PNPO: variants seen among roughly 807,000 people sequenced by gnomAD.
PNPO encodes pyridoxine-5'-phosphate oxidase.
Under a neutral mutation model 35.0 loss-of-function variants are expected in PNPO, and 39 were observed. The ratio of observed to expected loss-of-function variants is 1.11; its 90% CI spans 0.86 to 1.45. The LOEUF (loss-of-function observed/expected upper bound fraction) is 1.45. PNPO is among the 40% of genes most tolerant of loss of function. The pLI is 0.00. For missense variants in PNPO, 288 were observed against 340.0 expected (o/e 0.85, Z 1.20); for synonymous variants, 115 against 119.8 (o/e 0.96, Z 0.26).
intron 1 of PNPO, among the ~76,000 whole-genome samples, chr17:47,942,998 G>A (rs921647118): frequency 2.0e-5 from 3 of 152,126 alleles, no homozygotes; most frequent in African/African-American, 7.2e-5. Context: ...AAATTTTGGG[G>A]GTGGAGCCCA....
At chr17:47,944,878 A>T in intron 3 of PNPO, 163 bp downstream of exon 3, 1 of 689,216 alleles carries the variant, frequency 1.5e-6, no homozygotes. Context: ...CTTTGCCATA[A>T]ATGAATGAAT....
chr17:47,945,395 T>C lies in PNPO; in HGVS notation c.364-164T>C, dbSNP rs1223852718. Reference sequence around the variant, plus strand: ...TTGGGCACGTGACTTAGCCTGTCTCTGTGTCTGTGACAATAGGCCTACTTT... The same window carrying C: ...TTGGGCACGTGACTTAGCCTGTCTCCGTGTCTGTGACAATAGGCCTACTTT... On this transcript the variant is annotated intron_variant, in intron 3 of 6. Coordinates refer to ENST00000642017, the MANE Select transcript of PNPO (RefSeq NM_018129.4). The surrounding 1 kb of genome is among the most constrained non-coding windows in gnomAD (Gnocchi z 4.0). The C allele has an allele frequency of 8.7e-6, 6 of 685,916 alleles. No homozygotes were observed. Among genetic ancestry groups the C allele is most frequent in the African/African-American group, 3.5e-5 (2 of 57,192 alleles). 42.5% of individuals were successfully genotyped at this position (685,916 alleles called of 1,614,324 possible).
Position 47,946,321 on chromosome 17 carries a change from A to C in PNPO, c.547-2A>C, listed in dbSNP as rs796052869. 2 of 1,608,630 alleles carry C rather than the reference A, an allele frequency of 1.2e-6. No homozygotes were observed. Among genetic ancestry groups the C allele is most frequent in the Non-Finnish European group, 1.7e-6 (2 of 1,175,102 alleles). On this transcript the variant is annotated splice_acceptor_variant, in intron 5 of 6. Coordinates refer to ENST00000642017, the MANE Select transcript of PNPO (RefSeq NM_018129.4). LOFTEE classifies it high-confidence loss of function. ...CTTCTTCTAACTCTTCCCCCTGGAC[A>C]GTATCTGAGAAAGAAAAATGAGGAA...
Position 47,945,743 on chromosome 17 carries a change from CAGTT to C in PNPO, c.418-113_418-110del, listed in dbSNP as rs2035998484. The C allele has an allele frequency of 3.4e-6, 5 of 1,473,320 alleles. No homozygotes were observed. The highest frequency in any genetic ancestry group is 2.3e-5 in the East Asian group (1 of 43,832). 91.3% of individuals were successfully genotyped at this position (1,473,320 alleles called of 1,614,324 possible). On this transcript the variant is annotated intron_variant, in intron 4 of 6. Coordinates refer to ENST00000642017, the MANE Select transcript of PNPO (RefSeq NM_018129.4). This position sits in a 1 kb window ranked among gnomAD's most constrained non-coding sequence, Gnocchi z 4.0. Reference sequence around the variant, plus strand: ...GGCACTCTGCCTCTAAAATAGCCCTCAGTTAGTTGGAGCCAAGAGTGGTGGGGCA... The same window carrying C: ...GGCACTCTGCCTCTAAAATAGCCCTCAGTTGGAGCCAAGAGTGGTGGGGCA...
Position 47,945,362 on chromosome 17 carries a change from G to A in PNPO, c.364-197G>A. On this transcript the variant is annotated intron_variant, in intron 3 of 6. Coordinates refer to ENST00000642017, the MANE Select transcript of PNPO (RefSeq NM_018129.4). The surrounding 1 kb of genome is among the most constrained non-coding windows in gnomAD (Gnocchi z 4.0). ...CTTAAACTTAGCTCCACCACTTCCT[G>A]CAGGAACTTGGGCACGTGACTTAGC... 1 of 600,328 alleles carries A rather than the reference G, an allele frequency of 1.7e-6. No individual in the cohort carries two copies. The highest frequency in any genetic ancestry group is 3.0e-6 in the Non-Finnish European group (1 of 329,684). 37.2% of individuals were successfully genotyped at this position (600,328 alleles called of 1,614,324 possible). A position where few individuals can be genotyped will look rare whatever the true frequency, so the allele number is the denominator to read the frequency against.
chr17:47,946,142 G>A (rs2036005700), intron 5 of PNPO, 153 bp downstream of exon 5: 4 of 1,157,832 alleles, frequency 3.5e-6, no homozygotes, highest in Non-Finnish European at 5.1e-6. Flanking sequence ...AAGGGAAAGT[G>A]GGGGTAGGGA....
chr17:47,943,579 C>A, intron 2 of PNPO, 149 bp downstream of exon 2: 2 of 949,562 alleles, frequency 2.1e-6, no homozygotes, highest in Non-Finnish European at 3.2e-6. Context: ...CTCTCTGGGC[C>A]TGTGTCCTTA....
chr17:47,945,443 C>T lies in PNPO; in HGVS notation c.364-116C>T, dbSNP rs908076236. ...TTTTGAGGGTTTAAATGAGCTCTTA[C>T]GGTGGGTGCATCTGCTGTGGGCCTG... On this transcript the variant is annotated intron_variant, in intron 3 of 6. Transcript: ENST00000642017. This position sits in a 1 kb window ranked among gnomAD's most constrained non-coding sequence, Gnocchi z 4.0. 5 of 813,744 alleles carry T rather than the reference C, an allele frequency of 6.1e-6. No homozygotes were observed. The highest frequency in any genetic ancestry group is 1.1e-5 in the Non-Finnish European group (5 of 455,116). The allele number at this position is 813,744 out of a possible 1,614,324, so 50.4% of individuals were successfully genotyped here. A position where few individuals can be genotyped will look rare whatever the true frequency, so the allele number is the denominator to read the frequency against.
intron 1 of PNPO, 41 bp from the exon 2 acceptor site, chr17:47,943,265 A>G (rs2035965953): frequency 6.5e-7 from 1 of 1,546,906 alleles, no homozygotes; most frequent in Non-Finnish European, 8.9e-7. Context: ...CATAGTAAGC[A>G]CTATATATGT....
Position 47,945,569 on chromosome 17 carries a change from C to T in PNPO, c.374C>T (p.Pro125Leu), listed in dbSNP as rs772217035. ...CTCTTTTACTTCTAGGACTCTAATCCCTTTGCTTCCCTTGTCTTCTACTGG... is the reference window on the plus strand; with the variant it reads ...CTCTTTTACTTCTAGGACTCTAATCTCTTTGCTTCCCTTGTCTTCTACTGG... Reference protein sequence around the residue: ...SRKGKELDSNPFASLVFYWEP... With the variant: ...SRKGKELDSNLFASLVFYWEP... Residue 125 changes from proline (P) to leucine (L), a missense_variant, in exon 4 of 7, where the codon CCC (proline) becomes CTC (leucine). Physicochemically the swap from Pro to Leu is moderately conservative, Grantham distance 98. Transcript: ENST00000642017. This position sits in a 1 kb window ranked among gnomAD's most constrained non-coding sequence, Gnocchi z 4.0. 6.2e-7 allele frequency: 1 copy of T among 1,613,264 alleles called. No individual in the cohort carries two copies. The highest frequency in any genetic ancestry group is 1.7e-5 in the Admixed American group (1 of 60,014).
intron 1 of PNPO, among the ~76,000 whole-genome samples, chr17:47,942,316 G>C (rs1211678736): frequency 6.6e-6 from 1 of 151,336 alleles, no homozygotes; most frequent in Non-Finnish European, 1.5e-5. Context: ...GGGAAGAGGG[G>C]TCCTCGGAGT....
intron 2 of PNPO, among the ~76,000 whole-genome samples, chr17:47,943,746 T>C (rs2035973507): frequency 6.6e-6 from 1 of 152,252 alleles, no homozygotes; most frequent in South Asian, 2.1e-4. Flanking sequence ...CTACTTCTCC[T>C]GGTGAAGCTC....
At chr17:47,943,974 G>A (rs2035976532) in intron 2 of PNPO, among the ~76,000 whole-genome samples, 1 of 152,216 alleles carries the variant, frequency 6.6e-6, no homozygotes, top group African/African-American at 2.4e-5. Context: ...CGAAGCATTG[G>A]ATGATTGCAT....
Position 47,943,515 on chromosome 17 carries a change from A to G in PNPO, c.263+85A>G, listed in dbSNP as rs535378770. 160 of 1,517,342 alleles carry G rather than the reference A, an allele frequency of 1.1e-4. 2 individuals carry two copies. The South Asian group carries it at 1.7e-3, about 17-fold the overall frequency. The allele number at this position is 1,517,342 out of a possible 1,614,324, so 94.0% of individuals were successfully genotyped here. A position where few individuals can be genotyped will look rare whatever the true frequency, so the allele number is the denominator to read the frequency against. ...GCTCTCTACTCTGGATGCCAATTTT[A>G]TGGTTCCAGCTCTGTTATTAACATG... On this transcript the variant is annotated intron_variant, in intron 2 of 6. Coordinates refer to ENST00000642017, the MANE Select transcript of PNPO (RefSeq NM_018129.4).
intron 6 of PNPO, 64 bp downstream of exon 6, chr17:47,946,457 C>A: frequency 7.0e-7 from 1 of 1,421,466 alleles, no homozygotes; most frequent in Non-Finnish European, 1.0e-6. Flanking sequence ...TTGAAGCCAC[C>A]TGCCTGGGGA....
intron 2 of PNPO, among the ~76,000 whole-genome samples, chr17:47,944,280 C>G (rs1488917851): frequency 6.6e-6 from 1 of 151,222 alleles, no homozygotes; most frequent in Non-Finnish European, 1.5e-5. Context: ...TCTTCTCTTA[C>G]AGTGACACCA....
In PNPO at chr17:47,945,957, A is replaced by G; in HGVS notation, c.514A>G (p.Ser172Gly). ...GAGCAGCCAGATTGGGGCTGTGGTC[A>G]GCCACCAGAGTTCTGTGATCCCTGA... ...PKSSQIGAVV[S>G]HQSSVIPDRE... The change falls in exon 5 of 7, where the codon AGC becomes GGC. Residue 172 changes from serine to glycine, a missense_variant. Ser to Gly is a moderately conservative substitution (Grantham distance 56). Transcript: ENST00000642017. The surrounding 1 kb of genome is among the most constrained non-coding windows in gnomAD (Gnocchi z 4.0). The G allele has an allele frequency of 6.2e-7, 1 of 1,614,072 alleles. No individual in the cohort carries two copies. Among genetic ancestry groups the G allele is most frequent in the Non-Finnish European group, 8.5e-7 (1 of 1,180,040 alleles).
intron 2 of PNPO, among the ~76,000 whole-genome samples, chr17:47,943,853 A>G (rs1299291744): frequency 1.3e-5 from 2 of 152,178 alleles, no homozygotes; most frequent in African/African-American, 4.8e-5. Flanking sequence ...CTGTTATTCA[A>G]TTCTCCTCGA....
rs1048578561 is a variant in PNPO, at chr17:47,941,696, C to G, written c.21C>G (p.Gly7=). The G allele has an allele frequency of 2.6e-6, 4 of 1,540,422 alleles. No individual in the cohort carries two copies. Among genetic ancestry groups the G allele is most frequent in the Non-Finnish European group, 3.5e-6 (4 of 1,140,444 alleles). MTCWLR[G]VTATFGRPAE... ...CCCCCATGACGTGCTGGCTGCGGGG[C>G]GTCACGGCGACGTTCGGGCGACCTG... The change falls in exon 1 of 7, where the codon GGC becomes GGG. Residue 7 remains glycine (G), a synonymous_variant. Coordinates refer to ENST00000642017, the MANE Select transcript of PNPO (RefSeq NM_018129.4).
Sources: allele counts gnomAD v4.1 joint callset (sites outside exome capture counted in the v4.1 genomes callset), GRCh38; gene constraint gnomAD v4.1.1; non-coding constraint Gnocchi (gnomAD v3.1); transcripts MANE v1.5; gene names NCBI Gene and HGNC (gene_info 2026-07-23, HGNC 2026-07-21).